The following SENP7 variants were observed in gnomAD, a reference collection of about 807,000 sequenced individuals.
SENP7 encodes sentrin-specific protease 7.
In SENP7, 64 loss-of-function variants were observed where a neutral mutation model predicts 141.2. That is an observed-to-expected ratio of 0.45 (90% CI 0.37 to 0.56). The LOEUF is 0.56. SENP7 is among the 20% of genes least tolerant of loss of function. SENP7 has a pLI of 0.00. For missense variants in SENP7, 1,025 were observed against 1,212.2 expected (o/e 0.85, Z 2.29); for synonymous variants, 382 against 426.4 (o/e 0.90, Z 1.28).
intron 13 of SENP7, among the ~76,000 whole-genome samples, chr3:101,345,977 A>G (rs974948339): frequency 6.6e-6 from 1 of 152,238 alleles, no homozygotes; most frequent in East Asian, 1.9e-4. Context: ...CAGAGTAAAT[A>G]GACAACCCAC....
At chr3:101,388,117 C>T (rs1469916232) in intron 6 of SENP7, among the ~76,000 whole-genome samples, 2 of 152,312 alleles carry the variant, frequency 1.3e-5, no homozygotes, top group Admixed American at 6.5e-5. Flanking sequence ...GCCACTCACA[C>T]ATCACAAAAG....
chr3:101,350,038 G>C (rs2059574471), intron 12 of SENP7, among the ~76,000 whole-genome samples: 1 of 152,106 alleles, frequency 6.6e-6, no homozygotes, highest in South Asian at 2.1e-4. Flanking sequence ...GCAAGAGATT[G>C]GTAGCATGTG....
rs771364659 is a variant in SENP7, at chr3:101,328,585, T to C, written c.2796-39A>G. ...AGGACAAAATCAAGATTTACATACT[T>C]GTATACAAAGTATATCTAAATACCT... On this transcript the variant is annotated intron_variant, in intron 21 of 23. Coordinates refer to ENST00000394095, the MANE Select transcript of SENP7 (RefSeq NM_020654.5). 5.1e-5 allele frequency: 81 copies of C among 1,602,326 alleles called. 2 individuals carry two copies. In the South Asian group the frequency reaches 7.9e-4, roughly 16 times the overall value.
chr3:101,484,781 T>G (rs1054791241), intron 3 of SENP7, among the ~76,000 whole-genome samples: 1 of 152,044 alleles, frequency 6.6e-6, no homozygotes, highest in Non-Finnish European at 1.5e-5. Context: ...AGGAATCCAT[T>G]GGGTGGATGA....
At chr3:101,493,594 C>T (rs537532494) in intron 3 of SENP7, among the ~76,000 whole-genome samples, 153 of 151,402 alleles carry the variant, frequency 1.0e-3, no homozygotes, top group Non-Finnish European at 1.6e-3. Context: ...TAAACATTAT[C>T]GTTTTAGTAA....
At chr3:101,390,953 G>C (rs1187449546) in intron 6 of SENP7, among the ~76,000 whole-genome samples, 1 of 152,112 alleles carries the variant, frequency 6.6e-6, no homozygotes, top group African/African-American at 2.4e-5. Flanking sequence ...AGGAACTTTA[G>C]AAACTGTACA....
intron 5 of SENP7, among the ~76,000 whole-genome samples, chr3:101,413,187 A>G (rs2061502127): frequency 6.6e-6 from 1 of 152,186 alleles, no homozygotes; most frequent in African/African-American, 2.4e-5. Flanking sequence ...TCTCCCTCTT[A>G]TCTTTCTAAA....
intron 23 of SENP7, among the ~76,000 whole-genome samples, chr3:101,327,108 A>G (rs2058921976): frequency 6.6e-6 from 1 of 152,038 alleles, no homozygotes; most frequent in African/African-American, 2.4e-5. Flanking sequence ...TATTAATCAA[A>G]TCATTTTAAA....
chr3:101,405,295 G>A (rs2061267663), intron 5 of SENP7, among the ~76,000 whole-genome samples: 1 of 152,164 alleles, frequency 6.6e-6, no homozygotes, highest in Admixed American at 6.5e-5. Context: ...CCAGAGCCTG[G>A]TAGAATAGCT....
chr3:101,360,139 C>A (rs1461558990), intron 11 of SENP7, among the ~76,000 whole-genome samples: 1 of 152,132 alleles, frequency 6.6e-6, no homozygotes, highest in Admixed American at 6.6e-5. Context: ...ATTGTAAAAT[C>A]ACCCCAGACA....
chr3:101,325,903 T>C lies in SENP7; in HGVS notation c.*40A>G, dbSNP rs1559669769. Reference sequence around the variant, plus strand: ...CAAATGCTGGTAAGAGGCTTTCCAGTAATCTTAGAGAACATCTGTGTCATG... The same window carrying C: ...CAAATGCTGGTAAGAGGCTTTCCAGCAATCTTAGAGAACATCTGTGTCATG... On this transcript the variant is annotated 3_prime_UTR_variant, in exon 24 of 24. Coordinates refer to ENST00000394095, the MANE Select transcript of SENP7 (RefSeq NM_020654.5). The C allele has an allele frequency of 1.3e-6, 2 of 1,522,970 alleles. No homozygotes were observed. The highest frequency in any genetic ancestry group is 1.8e-6 in the Non-Finnish European group (2 of 1,135,786). The allele number at this position is 1,522,970 out of a possible 1,614,324, so 94.3% of individuals were successfully genotyped here. A position where few individuals can be genotyped will look rare whatever the true frequency, so the allele number is the denominator to read the frequency against.
At chr3:101,505,483 T>C (rs1250532250) in intron 1 of SENP7, among the ~76,000 whole-genome samples, 2 of 152,240 alleles carry the variant, frequency 1.3e-5, no homozygotes, top group African/African-American at 4.8e-5. Flanking sequence ...TTTCCTTTCA[T>C]TAATGCTACT....
chr3:101,337,235 A>G (rs185559762), intron 17 of SENP7: 33 of 208,894 alleles, frequency 1.6e-4, no homozygotes, highest in African/African-American at 7.6e-4. Context: ...TAGGGAAGAA[A>G]TAACCTAGCT....
At chr3:101,500,618 T>C (rs1246640811) in intron 2 of SENP7, among the ~76,000 whole-genome samples, 1 of 152,128 alleles carries the variant, frequency 6.6e-6, no homozygotes, top group Non-Finnish European at 1.5e-5. Context: ...GGTAGAAACT[T>C]CGTTTTGTTT....
intron 5 of SENP7, among the ~76,000 whole-genome samples, chr3:101,412,110 T>A (rs1242943216): frequency 2.0e-5 from 3 of 152,126 alleles, no homozygotes; most frequent in South Asian, 2.1e-4. Flanking sequence ...AACATACAAC[T>A]TCATATATAG....
chr3:101,410,943 A>C (rs1054280748), intron 5 of SENP7, among the ~76,000 whole-genome samples: 1 of 152,076 alleles, frequency 6.6e-6, no homozygotes, highest in Non-Finnish European at 1.5e-5. Flanking sequence ...CTGATGACAA[A>C]AATTAAAGTT....
intron 4 of SENP7, chr3:101,457,249 C>T: frequency 6.3e-7 from 1 of 1,583,848 alleles, no homozygotes; most frequent in South Asian, 1.1e-5. Context: ...ATTCAGTTTG[C>T]CTCATTCTTG....
intron 3 of SENP7, among the ~76,000 whole-genome samples, chr3:101,493,041 A>G (rs2065024786): frequency 6.6e-6 from 1 of 152,170 alleles, no homozygotes; most frequent in Non-Finnish European, 1.5e-5. Context: ...TGTGGTACAT[A>G]TACACCACAG....
rs1262014636 is a variant in SENP7 at position 101,339,587 on chromosome 3, G to A, written c.2357+508C>T. On this transcript the variant is annotated intron_variant, in intron 16 of 23. Transcript: ENST00000394095. ...ACAAAAATTAGCCGGGCGTGGTGGC[G>A]GGCGCCTGTAATCCCAGCTACTCAG... 5.3e-5 allele frequency among the ~76,000 whole-genome samples: 8 copies of A among 152,016 alleles called. No homozygotes were observed. In the East Asian group the frequency reaches 7.7e-4, roughly 15 times the overall value.
Sources: allele counts gnomAD v4.1 joint callset (sites outside exome capture counted in the v4.1 genomes callset), GRCh38; gene constraint gnomAD v4.1.1; transcripts MANE v1.5; gene names NCBI Gene and HGNC (gene_info 2026-07-23, HGNC 2026-07-21).